CACNA2D4: variants seen among roughly 807,000 people sequenced by gnomAD.
CACNA2D4 encodes the protein voltage-dependent calcium channel subunit alpha-2/delta-4.
A neutral mutation model predicts 163.8 loss-of-function variants in CACNA2D4; 157 were observed. The ratio of observed to expected loss-of-function variants is 0.96; its 90% CI spans 0.84 to 1.09. The LOEUF is 1.09. Ranked by LOEUF, CACNA2D4 falls within the 50% of genes least tolerant of loss-of-function variation. The pLI is 0.00. For synonymous variants in CACNA2D4, 598 were observed against 586.9 expected (o/e 1.02, Z -0.27); for missense variants, 1,410 against 1,479.9 (o/e 0.95, Z 0.78).
chr12:1,799,602 G>C lies in CACNA2D4; in HGVS notation c.2995+73C>G. On this transcript the variant is annotated intron_variant, in intron 34 of 37. Coordinates refer to ENST00000382722, the MANE Select transcript of CACNA2D4 (RefSeq NM_172364.5). This position sits in a 1 kb window ranked among gnomAD's most constrained non-coding sequence, Gnocchi z 4.7. ...GTCATTCCTGGGACAGGTCATGGAG[G>C]GTGGGTTCTTTGTAGCTCCTGCTGC... is the stretch of plus-strand genomic sequence containing the variant. 4 of 1,477,890 alleles carry C rather than the reference G, an allele frequency of 2.7e-6. No homozygotes were observed. The highest frequency in any genetic ancestry group is 2.8e-6 in the Non-Finnish European group (3 of 1,080,282). The allele number at this position is 1,477,890 out of a possible 1,614,324, so 91.5% of individuals were successfully genotyped here. A position where few individuals can be genotyped will look rare whatever the true frequency, so the allele number is the denominator to read the frequency against.
intron 35 of CACNA2D4, 196 bp from the exon 36 acceptor site, chr12:1,795,976 T>C (rs995838565): frequency 1.5e-5 from 9 of 595,732 alleles, no homozygotes; most frequent in Non-Finnish European, 2.7e-5. Context: ...TCACAAGCCT[T>C]TGCTGCTGCA....
At chr12:1,901,329 A>G (rs1866531933) in intron 6 of CACNA2D4, among the ~76,000 whole-genome samples, 2 of 152,086 alleles carry the variant, frequency 1.3e-5, no homozygotes, top group East Asian at 3.8e-4. Context: ...TTAGTAGAAG[A>G]AAAGAAATAA....
At chr12:1,882,317 C>G (rs551505806) in intron 13 of CACNA2D4, among the ~76,000 whole-genome samples, 1 of 152,230 alleles carries the variant, frequency 6.6e-6, no homozygotes, top group Non-Finnish European at 1.5e-5. Flanking sequence ...TACATCATCA[C>G]TGAAGCAGGT....
chr12:1,895,576 C>G (rs971123170), intron 6 of CACNA2D4, among the ~76,000 whole-genome samples: 1 of 152,040 alleles, frequency 6.6e-6, no homozygotes, highest in African/African-American at 2.4e-5. Flanking sequence ...GAATAGAGAA[C>G]CCAGAAATAA....
At chr12:1,830,891 C>G (rs1486711283) in intron 26 of CACNA2D4, 2 of 1,490,470 alleles carry the variant, frequency 1.3e-6, no homozygotes, top group Admixed American at 2.0e-5. Flanking sequence ...GAGGTGGTGA[C>G]CCGTCCTATT....
intron 35 of CACNA2D4, among the ~76,000 whole-genome samples, chr12:1,797,182 C>T (rs1776337598): frequency 6.6e-6 from 1 of 152,234 alleles, no homozygotes. Context: ...TCTCCCCATC[C>T]CGGCTGTCCC....
intron 37 of CACNA2D4, 47 bp from the exon 38 acceptor site, chr12:1,793,806 C>A: frequency 6.6e-7 from 1 of 1,505,738 alleles, no homozygotes; most frequent in South Asian, 1.1e-5. Context: ...AGAGGAGGAC[C>A]CTCAAAAAGG....
At chr12:1,807,587 C>A (rs141921273) in intron 29 of CACNA2D4, among the ~76,000 whole-genome samples, 12 of 152,022 alleles carry the variant, frequency 7.9e-5, no homozygotes, top group Non-Finnish European at 1.3e-4. Context: ...GACTCTCCGC[C>A]GCCCTGTCTT....
chr12:1,842,149 G>A (rs1865039346), intron 25 of CACNA2D4, among the ~76,000 whole-genome samples: 1 of 152,210 alleles, frequency 6.6e-6, no homozygotes, highest in Non-Finnish European at 1.5e-5. Context: ...AGGGATTTCA[G>A]TGCCTGGCTC....
At position 1,830,000 on chromosome 12, in the gene CACNA2D4, C is replaced by A. The variant is rs1025869712; in HGVS notation, c.2551+10739G>T. 6.6e-6 allele frequency among the ~76,000 whole-genome samples: 1 copy of A among 152,220 alleles called. No homozygotes were observed. Among genetic ancestry groups the A allele is most frequent in the African/African-American group, 2.4e-5 (1 of 41,470 alleles). On this transcript the variant is annotated intron_variant, in intron 26 of 37. Coordinates refer to ENST00000382722, the MANE Select transcript of CACNA2D4 (RefSeq NM_172364.5). This position sits in a 1 kb window ranked among gnomAD's most constrained non-coding sequence, Gnocchi z 4.2. ...TGATGTGATTGTTCCCTGAGGGTTA[C>A]TTCTCCCAGCCCTACAGACAGGACC...
chr12:1,838,818 G>C (rs1864948801), intron 26 of CACNA2D4, among the ~76,000 whole-genome samples: 1 of 152,176 alleles, frequency 6.6e-6, no homozygotes, highest in African/African-American at 2.4e-5. Flanking sequence ...CACAGGCGCA[G>C]GCTTGGCTGG....
intron 23 of CACNA2D4, among the ~76,000 whole-genome samples, chr12:1,850,455 A>G (rs1469764487): frequency 6.6e-6 from 1 of 152,084 alleles, no homozygotes; most frequent in Admixed American, 6.6e-5. Flanking sequence ...TTAAGTCTCA[A>G]TTTTCAAAGT....
In CACNA2D4 at chr12:1,797,537, T is replaced by A. The variant is rs760153616; in HGVS notation, c.2996-2A>T. On this transcript the variant is annotated splice_acceptor_variant, in intron 34 of 37. Coordinates refer to ENST00000382722, the MANE Select transcript of CACNA2D4 (RefSeq NM_172364.5). LOFTEE classifies it high-confidence loss of function. ...GGTCCTGCTTCTTGTGTTTGTGGGC[T>A]GCGGGCGGAGAAAGGACATCACGCC... 4 of 1,556,904 alleles carry A rather than the reference T, an allele frequency of 2.6e-6. No homozygotes were observed. The highest frequency in any genetic ancestry group is 3.8e-5 in the Admixed American group (2 of 52,278).
At position 1,820,311 on chromosome 12, in the gene CACNA2D4, C is replaced by T. The variant is rs1374337207; in HGVS notation, c.2552-8588G>A. ...TGGAGGTGGTGGTGAAACCGCTTTC[C>T]TCCTCCCTGTGGTCGGCAGCGATTC... On this transcript the variant is annotated intron_variant, in intron 26 of 37. Transcript: ENST00000382722. The surrounding 1 kb of genome is among the most constrained non-coding windows in gnomAD (Gnocchi z 6.0). The T allele has an allele frequency of 1.3e-5, 2 of 152,080 alleles. No individual in the cohort carries two copies. Among genetic ancestry groups the T allele is most frequent in the Non-Finnish European group, 2.9e-5 (2 of 68,058 alleles). 9.4% of individuals were successfully genotyped at this position (152,080 alleles called of 1,614,324 possible).
intron 37 of CACNA2D4, chr12:1,795,069 A>T: frequency 1.4e-5 from 8 of 585,728 alleles, no homozygotes; most frequent in Non-Finnish European, 2.4e-5. Flanking sequence ...TCAGGAAATA[A>T]CAAGCGTTTT....
At chr12:1,909,080 C>A (rs868332243) in intron 4 of CACNA2D4, among the ~76,000 whole-genome samples, 6 of 152,342 alleles carry the variant, frequency 3.9e-5, no homozygotes, top group Non-Finnish European at 7.4e-5. Context: ...AGGCTCCCCC[C>A]ACCTCCTCAC....
chr12:1,812,095 AC>A (rs1410704696), intron 26 of CACNA2D4, among the ~76,000 whole-genome samples: 2 of 152,078 alleles, frequency 1.3e-5, no homozygotes, highest in African/African-American at 4.8e-5. Context: ...GGCCAGAGAG[AC>A]CCACCCTTTT....
chr12:1,811,499 C>T lies in CACNA2D4; in HGVS notation c.2613+163G>A, dbSNP rs541787385. 4.6e-5 allele frequency among the ~76,000 whole-genome samples: 7 copies of T among 152,206 alleles called. No homozygotes were observed. In the East Asian group the frequency reaches 5.8e-4, roughly 13 times the overall value. On this transcript the variant is annotated intron_variant, in intron 27 of 37. Transcript: ENST00000382722. ...GGGGCTGGGGACCAGCGCTGAGGCC[C>T]GGCCTGCAGGCTGGGGAGCTGAGGG...
intron 6 of CACNA2D4, among the ~76,000 whole-genome samples, chr12:1,893,299 C>G: frequency 6.6e-6 from 1 of 152,110 alleles, no homozygotes; most frequent in East Asian, 1.9e-4. Context: ...GGGTGGATCA[C>G]GAGGTCAGGA....
Sources: gnomAD v4.1 joint callset for allele counts (sites outside exome capture counted in the v4.1 genomes callset) on GRCh38, gnomAD v4.1.1 for gene constraint, Gnocchi (gnomAD v3.1) non-coding constraint, MANE v1.5 for transcripts, NCBI Gene and HGNC (gene_info 2026-07-23, HGNC 2026-07-21) for gene names.